Variants in PTPRD observed in about 807,000 individuals in gnomAD.
PTPRD encodes receptor-type tyrosine-protein phosphatase delta.
A neutral mutation model predicts 214.5 loss-of-function variants in PTPRD; 34 were observed. The observed-to-expected ratio is 0.16, with a 90% CI of 0.12 to 0.21. The LOEUF (loss-of-function observed/expected upper bound fraction) is 0.21, where lower values mean the gene tolerates loss of function less well. Among genes scored for constraint, PTPRD ranks in the 10% least tolerant of loss-of-function variants. PTPRD has a pLI of 1.00. For synonymous variants in PTPRD, 1,128 were observed against 845.7 expected (o/e 1.33, Z -5.79); for missense variants, 2,545 against 2,398.7 (o/e 1.06, Z -1.27).
intron 12 of PTPRD, among the ~76,000 whole-genome samples, chr9:8,675,249 C>T (rs2097377765): frequency 6.6e-6 from 1 of 151,942 alleles, no homozygotes. Context: ...CTCTAAGCCT[C>T]TAGTTCCTCA....
At chr9:8,765,685 T>C (rs2094685072) in intron 11 of PTPRD, among the ~76,000 whole-genome samples, 1 of 152,138 alleles carries the variant, frequency 6.6e-6, no homozygotes, top group Non-Finnish European at 1.5e-5. Context: ...ACAGAAGCTG[T>C]GAGATAATAA....
At position 8,341,172 on chromosome 9, in the gene PTPRD, C is replaced by T. The variant is rs2132431335; in HGVS notation, c.5044G>A (p.Glu1682Lys). ...GGCTGCAGGCATACCCTTGTGGATT[C>T]ATATGGCATAATATTAACAAGGCGA... is the stretch of plus-strand genomic sequence containing the variant. The part of the protein sequence containing the change: ...KNRLVNIMPY[E>K]STRVCLQPIR... Residue 1682 changes from glutamate (E) to lysine (K), a missense_variant, in exon 41 of 46, where the codon GAA (glutamate) becomes AAA (lysine). Physicochemically the swap from Glu to Lys is moderately conservative, Grantham distance 56 (BLOSUM62 1). Transcript: ENST00000381196. The T allele has an allele frequency of 1.2e-6, 2 of 1,612,972 alleles. No homozygotes were observed. Among genetic ancestry groups the T allele is most frequent in the Non-Finnish European group, 1.7e-6 (2 of 1,179,422 alleles).
At chr9:8,988,131 C>T (rs543468754) in intron 11 of PTPRD, among the ~76,000 whole-genome samples, 3 of 151,944 alleles carry the variant, frequency 2.0e-5, no homozygotes, top group African/African-American at 7.2e-5. Context: ...GAAGGCATTT[C>T]AAGGAGGTAG....
intron 8 of PTPRD, among the ~76,000 whole-genome samples, chr9:9,425,622 A>C (rs1178661054): frequency 6.6e-6 from 1 of 151,606 alleles, no homozygotes; most frequent in Non-Finnish European, 1.5e-5. Context: ...TCACAGGTAC[A>C]GAGAAAAGAG....
intron 2 of PTPRD, among the ~76,000 whole-genome samples, chr9:10,374,112 C>A (rs980249822): frequency 6.6e-6 from 1 of 151,956 alleles, no homozygotes; most frequent in Non-Finnish European, 1.5e-5. Context: ...AGTAGGAATC[C>A]TTAGGAAAGC....
intron 4 of PTPRD, among the ~76,000 whole-genome samples, chr9:9,969,818 T>G (rs2094964525): frequency 6.6e-6 from 1 of 152,184 alleles, no homozygotes; most frequent in Admixed American, 6.5e-5. Flanking sequence ...AAAATTAACA[T>G]GTCTTCCCAC....
intron 8 of PTPRD, among the ~76,000 whole-genome samples, chr9:9,530,304 G>C (rs1225634810): frequency 6.6e-6 from 1 of 152,010 alleles, no homozygotes; most frequent in Admixed American, 6.6e-5. Flanking sequence ...TGAAAAAGGA[G>C]ACATTACAAT....
intron 9 of PTPRD, among the ~76,000 whole-genome samples, chr9:9,306,635 T>C (rs1371961250): frequency 1.3e-5 from 2 of 151,662 alleles, no homozygotes; most frequent in African/African-American, 4.8e-5. Flanking sequence ...TGAATATACT[T>C]GAGAAAATGA....
intron 11 of PTPRD, among the ~76,000 whole-genome samples, chr9:8,817,610 G>A (rs2096948572): frequency 1.3e-5 from 2 of 151,960 alleles, no homozygotes; most frequent in South Asian, 4.2e-4. Context: ...CACCCTGGGT[G>A]ACACAGCAAG....
intron 9 of PTPRD, among the ~76,000 whole-genome samples, chr9:9,332,756 T>G (rs916433352): frequency 6.7e-6 from 1 of 150,288 alleles, no homozygotes; most frequent in Non-Finnish European, 1.5e-5. Context: ...AGAGGAGGGT[T>G]TTTTTTTTGG....
chr9:8,444,117 G>C (rs1408520782), intron 34 of PTPRD, among the ~76,000 whole-genome samples: 2 of 152,098 alleles, frequency 1.3e-5, no homozygotes. Context: ...CTGACATGCA[G>C]AAATAGCAAT....
intron 11 of PTPRD, among the ~76,000 whole-genome samples, chr9:8,735,603 G>A (rs2090085231): frequency 6.6e-6 from 1 of 152,178 alleles, no homozygotes; most frequent in South Asian, 2.1e-4. Context: ...AAAACCAGAA[G>A]ATGAAGCAAA....
At chr9:9,920,502 G>C (rs1362006703) in intron 5 of PTPRD, among the ~76,000 whole-genome samples, 1 of 152,204 alleles carries the variant, frequency 6.6e-6, no homozygotes, top group East Asian at 1.9e-4. Context: ...AAATGATGGA[G>C]GGCAAATTGT....
chr9:9,779,228 G>A (rs1397560316), intron 5 of PTPRD, among the ~76,000 whole-genome samples: 1 of 151,490 alleles, frequency 6.6e-6, no homozygotes, highest in African/African-American at 2.4e-5. Context: ...TGATTTAAAT[G>A]TAAGACTTCA....
chr9:8,918,227 C>T (rs766942352), intron 11 of PTPRD, among the ~76,000 whole-genome samples: 4 of 152,068 alleles, frequency 2.6e-5, no homozygotes, highest in Admixed American at 6.6e-5. Flanking sequence ...ACCTGCTGAC[C>T]GACCCAGTCT....
intron 3 of PTPRD, among the ~76,000 whole-genome samples, chr9:10,273,394 C>T (rs1235655274): frequency 6.6e-6 from 1 of 151,794 alleles, no homozygotes; most frequent in African/African-American, 2.4e-5. Flanking sequence ...GTTTTAATAC[C>T]ATAATAGAAA....
At chr9:8,546,420 T>C (rs2080160716) in intron 14 of PTPRD, among the ~76,000 whole-genome samples, 1 of 152,206 alleles carries the variant, frequency 6.6e-6, no homozygotes, top group South Asian at 2.1e-4. Flanking sequence ...TATTTGACTA[T>C]ATCCTCGTTC....
At chr9:9,479,178 A>T (rs1341302654) in intron 8 of PTPRD, among the ~76,000 whole-genome samples, 1 of 149,076 alleles carries the variant, frequency 6.7e-6, no homozygotes, top group Non-Finnish European at 1.5e-5. Flanking sequence ...TTATATGAGG[A>T]GATAAATAAG....
intron 14 of PTPRD, among the ~76,000 whole-genome samples, chr9:8,575,470 G>T (rs1418901279): frequency 6.6e-6 from 1 of 152,074 alleles, no homozygotes; most frequent in Admixed American, 6.6e-5. Flanking sequence ...TTTGCCTGTT[G>T]CTGTCTTAAT....
Sources: gnomAD v4.1 joint callset for allele counts (sites outside exome capture counted in the v4.1 genomes callset) on GRCh38, gnomAD v4.1.1 for gene constraint, MANE v1.5 for transcripts, NCBI Gene and HGNC (gene_info 2026-07-23, HGNC 2026-07-21) for gene names.